Variants in DNAJC11 observed in about 807,000 individuals in gnomAD.
DNAJC11 encodes the protein dnaJ homolog subfamily C member 11.
In DNAJC11, 15 loss-of-function variants were observed where a neutral mutation model predicts 78.6. The ratio of observed to expected loss-of-function variants is 0.19; its 90% CI spans 0.13 to 0.29. DNAJC11 has a LOEUF of 0.29. Among genes scored for constraint, DNAJC11 ranks in the 10% least tolerant of loss-of-function variants. The pLI is 1.00. For missense variants in DNAJC11, 547 were observed against 709.6 expected (o/e 0.77, Z 2.60); for synonymous variants, 292 against 272.1 (o/e 1.07, Z -0.72).
At chr1:6,661,525 CTCT>C (rs35126600) in intron 4 of DNAJC11, among the ~76,000 whole-genome samples, 54,999 of 151,814 alleles carry the variant, frequency 0.36, 10,308 homozygotes, top group African/African-American at 0.43. Flanking sequence ...GCCAAGACCA[CTCT>C]TCTTCTCCAG....
chr1:6,675,973 CAAA>C (rs1314295094), intron 3 of DNAJC11, among the ~76,000 whole-genome samples: 1 of 152,080 alleles, frequency 6.6e-6, no homozygotes, highest in African/African-American at 2.4e-5. Context: ...CTTAAAAAAA[CAAA>C]GAAGCTTTAA....
chr1:6,696,053 T>A (rs1245848653), intron 1 of DNAJC11, among the ~76,000 whole-genome samples: 1 of 152,214 alleles, frequency 6.6e-6, no homozygotes, highest in Non-Finnish European at 1.5e-5. Flanking sequence ...CTGAAATTCT[T>A]GCTTCTCAGC....
intron 4 of DNAJC11, among the ~76,000 whole-genome samples, chr1:6,667,216 T>G (rs1435957078): frequency 1.3e-5 from 2 of 152,216 alleles, no homozygotes; most frequent in Non-Finnish European, 2.9e-5. Context: ...CAGGGACTTC[T>G]GCTCAAGGCC....
chr1:6,635,394 G>A lies in DNAJC11; in HGVS notation c.*281C>T. On this transcript the variant is annotated 3_prime_UTR_variant, in exon 16 of 16. Coordinates refer to ENST00000377577, the MANE Select transcript of DNAJC11 (RefSeq NM_018198.4). ...CAGCACGTGTGCTCGGGACACAGCGGAGTCAGGGCCAGAGCCCTTCCCTCC... is the reference window on the plus strand; with the variant it reads ...CAGCACGTGTGCTCGGGACACAGCGAAGTCAGGGCCAGAGCCCTTCCCTCC... The A allele has an allele frequency of 2.4e-6, 1 of 409,514 alleles. No homozygotes were observed. The highest frequency in any genetic ancestry group is 4.4e-6 in the Non-Finnish European group (1 of 226,238). The allele number at this position is 409,514 out of a possible 1,614,324, so 25.4% of individuals were successfully genotyped here.
intron 4 of DNAJC11, among the ~76,000 whole-genome samples, chr1:6,665,918 C>G (rs1218602474): frequency 6.6e-6 from 1 of 152,192 alleles, no homozygotes; most frequent in Non-Finnish European, 1.5e-5. Context: ...CTCCGGGCAC[C>G]TGGCTGGGAG....
At chr1:6,701,459 G>A (rs894322743) in intron 1 of DNAJC11, among the ~76,000 whole-genome samples, 2 of 152,202 alleles carry the variant, frequency 1.3e-5, no homozygotes, top group African/African-American at 4.8e-5. Context: ...TTGAGCGTGC[G>A]GGGGCCTCTG....
intron 4 of DNAJC11, among the ~76,000 whole-genome samples, chr1:6,658,846 C>G (rs1642168345): frequency 6.6e-6 from 1 of 152,232 alleles, no homozygotes; most frequent in Non-Finnish European, 1.5e-5. Flanking sequence ...CTGCTGCCCC[C>G]CTGGCCAGCA....
In DNAJC11 at chr1:6,634,832, G is replaced by C. The variant is rs1641728398; in HGVS notation, c.*843C>G. On this transcript the variant is annotated 3_prime_UTR_variant, in exon 16 of 16. Transcript: ENST00000377577. ...CCTGGGGTCCACGCCTTTGGGTTGG[G>C]TGTGTCTGATGTCTTGCCAAGCGCC... is the stretch of plus-strand genomic sequence containing the variant. 8.0e-7 allele frequency: 1 copy of C among 1,249,726 alleles called. No individual in the cohort carries two copies. The highest frequency in any genetic ancestry group is 1.4e-5 in the South Asian group (1 of 72,454). 77.4% of individuals were successfully genotyped at this position (1,249,726 alleles called of 1,614,324 possible). A position where few individuals can be genotyped will look rare whatever the true frequency, so the allele number is the denominator to read the frequency against.
At chr1:6,637,768 C>T (rs1641805240) in intron 12 of DNAJC11, 1 of 565,734 alleles carries the variant, frequency 1.8e-6, no homozygotes. Flanking sequence ...AGCTCCCTTT[C>T]TAGGGATCAT....
At chr1:6,669,281 G>A (rs1448316567) in intron 3 of DNAJC11, among the ~76,000 whole-genome samples, 5 of 151,856 alleles carry the variant, frequency 3.3e-5, no homozygotes, top group Non-Finnish European at 5.9e-5. Flanking sequence ...AGGCCGAGGC[G>A]GGTGGATCAC....
rs1435070369 is a variant in DNAJC11 at position 6,635,007 on chromosome 1, C to A, written c.*668G>T. On this transcript the variant is annotated 3_prime_UTR_variant, in exon 16 of 16. Transcript: ENST00000377577. ...GGAAGCCACCTGTGTCAGGGCTAGG[C>A]CCTGGGATCGGGAGTTACACTACCC... is the stretch of plus-strand genomic sequence containing the variant. The A allele has an allele frequency of 3.6e-6, 2 of 552,964 alleles. No individual in the cohort carries two copies. Among genetic ancestry groups the A allele is most frequent in the African/African-American group, 2.0e-5 (1 of 50,870 alleles). The allele number at this position is 552,964 out of a possible 1,614,324, so 34.3% of individuals were successfully genotyped here. A position where few individuals can be genotyped will look rare whatever the true frequency, so the allele number is the denominator to read the frequency against.
chr1:6,651,576 C>A lies in DNAJC11; in HGVS notation c.657G>T (p.Gln219His). 1 of 1,614,144 alleles carries A rather than the reference C, an allele frequency of 6.2e-7. No individual in the cohort carries two copies. Among genetic ancestry groups the A allele is most frequent in the Non-Finnish European group, 8.5e-7 (1 of 1,180,008 alleles). The change falls in exon 7 of 16, where the codon CAG becomes CAT. Residue 219 changes from glutamine (Q) to histidine (H), a missense_variant. Coordinates refer to ENST00000377577, the MANE Select transcript of DNAJC11 (RefSeq NM_018198.4). ...ACAGCTTGAGACCGAACAAAGGCCC[C>A]TGTAGGTCTCCAGCTCCAAATTCCA... Reference protein sequence around the residue: ...GELEFGAGDLQGPLFGLKLFR... With the variant: ...GELEFGAGDLHGPLFGLKLFR...
chr1:6,671,404 G>C (rs1432451893), intron 3 of DNAJC11, among the ~76,000 whole-genome samples: 1 of 151,632 alleles, frequency 6.6e-6, no homozygotes, highest in Admixed American at 6.6e-5. Context: ...CACCACGCCC[G>C]GCTAATTTTT....
At chr1:6,647,139 C>G (rs965636619) in intron 7 of DNAJC11, among the ~76,000 whole-genome samples, 2 of 138,550 alleles carry the variant, frequency 1.4e-5, no homozygotes, top group Non-Finnish European at 3.0e-5. Flanking sequence ...AGTGCAGTAG[C>G]GTGATCTTCT....
Position 6,634,700 on chromosome 1 carries a change from G to A in DNAJC11, c.*975C>T, listed in dbSNP as rs1641722636. On this transcript the variant is annotated 3_prime_UTR_variant, in exon 16 of 16. Coordinates refer to ENST00000377577, the MANE Select transcript of DNAJC11 (RefSeq NM_018198.4). ...CATCCCAAGTGGGCACGTGGAGGAA[G>A]GGTCTGAAGGAAGGCTCCGGAGCAC... 7.3e-7 allele frequency: 1 copy of A among 1,365,606 alleles called. No individual in the cohort carries two copies. Among genetic ancestry groups the A allele is most frequent in the Non-Finnish European group, 9.8e-7 (1 of 1,021,560 alleles). The allele number at this position is 1,365,606 out of a possible 1,614,324, so 84.6% of individuals were successfully genotyped here. A position where few individuals can be genotyped will look rare whatever the true frequency, so the allele number is the denominator to read the frequency against.
At chr1:6,636,063 G>C in intron 15 of DNAJC11, 54 bp downstream of exon 15, 1 of 1,574,186 alleles carries the variant, frequency 6.4e-7, no homozygotes, top group Non-Finnish European at 8.6e-7. Flanking sequence ...CTGAGCAGCC[G>C]CTTCGAGGTC....
chr1:6,655,954 T>A (rs969731017), intron 4 of DNAJC11, among the ~76,000 whole-genome samples: 1 of 151,154 alleles, frequency 6.6e-6, no homozygotes, highest in African/African-American at 2.4e-5. Context: ...ATACAAAAAT[T>A]AGCCGGGCGT....
chr1:6,652,697 C>T (rs1642073566), intron 6 of DNAJC11, 132 bp downstream of exon 6: 2 of 1,241,766 alleles, frequency 1.6e-6, no homozygotes, highest in Non-Finnish European at 2.2e-6. Flanking sequence ...CTTATGGAAG[C>T]TTGACACTTG....
chr1:6,679,412 A>C (rs1642521023), intron 2 of DNAJC11, among the ~76,000 whole-genome samples: 1 of 152,188 alleles, frequency 6.6e-6, no homozygotes, highest in South Asian at 2.1e-4. Context: ...AGGGCTGTTC[A>C]AACGATATCC....
Sources: gnomAD v4.1 joint callset for allele counts (sites outside exome capture counted in the v4.1 genomes callset) on GRCh38, gnomAD v4.1.1 for gene constraint, MANE v1.5 for transcripts, NCBI Gene and HGNC (gene_info 2026-07-23, HGNC 2026-07-21) for gene names.